Variants in COL7A1 observed in about 807,000 individuals in gnomAD.
COL7A1 encodes collagen type VII alpha 1 chain.
Under a neutral mutation model 456.2 loss-of-function variants are expected in COL7A1, and 296 were observed. That is an observed-to-expected ratio of 0.65 (90% CI 0.59 to 0.71). COL7A1 has a LOEUF of 0.71. COL7A1 is among the 30% of genes least tolerant of loss of function. The probability of loss-of-function intolerance (pLI) is 0.00; values close to 1 mark genes in which losing one functional copy is unlikely to be tolerated. For missense variants in COL7A1, 3,441 were observed against 4,017.2 expected, an observed-to-expected ratio of 0.86 and a Z score of 3.88; for synonymous variants, 1,464 against 1,525.9, an observed-to-expected ratio of 0.96 and a Z score of 0.95.
Position 48,579,943 on chromosome 3 carries a change from G to A in COL7A1, c.5124+88C>T. 7 of 1,605,486 alleles carry A rather than the reference G, an allele frequency of 4.4e-6. No homozygotes were observed. The highest frequency in any genetic ancestry group is 3.3e-5 in the South Asian group (3 of 90,924). On this transcript the variant is annotated intron_variant, in intron 57 of 118. Transcript: ENST00000681320. This position sits in a 1 kb window ranked among gnomAD's most constrained non-coding sequence, Gnocchi z 4.4. ...CAGAGGGACAGTGGGGGAAGTGGGAGTTAGTGGAAGGAATGAGGGGACATG... is the reference window on the plus strand; with the variant it reads ...CAGAGGGACAGTGGGGGAAGTGGGAATTAGTGGAAGGAATGAGGGGACATG...
rs760891216 is a variant in COL7A1, at chr3:48,568,819, C to T, written c.7723G>A (p.Gly2575Arg). Residue 2575 changes from glycine (G) to arginine (R), a missense_variant, in exon 104 of 119, where the codon GGG (glycine) becomes AGG (arginine). This residue lies in a region of COL7A1 where 2,084 missense variants were observed against 2,501.3 expected (regional missense o/e 0.83). Transcript: ENST00000681320. The surrounding 1 kb of genome is among the most constrained non-coding windows in gnomAD (Gnocchi z 5.2). Reference protein sequence around the residue: ...KGEPGDKGSAGLPGLRGLLGP... With the variant: ...KGEPGDKGSARLPGLRGLLGP... ...AGGAGTCCACGCAGTCCTGGCAACCCGGCTGAGCCCTTGTCACCAGGCTCT... is the reference window on the plus strand; with the variant it reads ...AGGAGTCCACGCAGTCCTGGCAACCTGGCTGAGCCCTTGTCACCAGGCTCT... The T allele has an allele frequency of 1.2e-5, 19 of 1,576,158 alleles. No homozygotes were observed. The highest frequency in any genetic ancestry group is 4.6e-5 in the East Asian group (2 of 43,242).
Position 48,574,115 on chromosome 3 carries a change from ACAGGCACACACAAG to A in COL7A1, c.6501+133_6501+146del, listed in dbSNP as rs1007995506. 38 of 1,157,502 alleles carry A rather than the reference ACAGGCACACACAAG, an allele frequency of 3.3e-5. No homozygotes were observed. Among genetic ancestry groups the A allele is most frequent in the Admixed American group, 1.4e-4 (8 of 55,464 alleles). The allele number at this position is 1,157,502 out of a possible 1,614,324, so 71.7% of individuals were successfully genotyped here. On this transcript the variant is annotated intron_variant, in intron 80 of 118. Coordinates refer to ENST00000681320, the MANE Select transcript of COL7A1 (RefSeq NM_000094.4). This position sits in a 1 kb window ranked among gnomAD's most constrained non-coding sequence, Gnocchi z 5.0. ...CAGGCACACACAGGCACACACAGAC[ACAGGCACACACAAG>A]CAGGCACACACAGAGAGGCACACAG...
rs777199947 is a variant in COL7A1, at chr3:48,586,709, A to G, written c.3277-20T>C. ...GCCAACCTGGGGTGGAAGGAAACACAGAGCCTGAGGAGGATGACAGAGCAG... is the reference window on the plus strand; with the variant it reads ...GCCAACCTGGGGTGGAAGGAAACACGGAGCCTGAGGAGGATGACAGAGCAG... On this transcript the variant is annotated intron_variant, in intron 25 of 118. Coordinates refer to ENST00000681320, the MANE Select transcript of COL7A1 (RefSeq NM_000094.4). This position sits in a 1 kb window ranked among gnomAD's most constrained non-coding sequence, Gnocchi z 5.1. 55 of 1,565,010 alleles carry G rather than the reference A, an allele frequency of 3.5e-5. No homozygotes were observed. The South Asian group carries it at 6.3e-4, about 18-fold the overall frequency.
rs1157595326 is a variant in COL7A1 at position 48,567,942 on chromosome 3, G to C, written c.7876-51C>G. The C allele has an allele frequency of 1.2e-6, 2 of 1,610,936 alleles. No homozygotes were observed. Among genetic ancestry groups the C allele is most frequent in the Non-Finnish European group, 8.5e-7 (1 of 1,177,390 alleles). ...GTGATTCCCAGACACCTCACTCTGT[G>C]ACCCCCTTCACCCTGAAACTAACTC... On this transcript the variant is annotated intron_variant, in intron 106 of 118. Coordinates refer to ENST00000681320, the MANE Select transcript of COL7A1 (RefSeq NM_000094.4). The surrounding 1 kb of genome is among the most constrained non-coding windows in gnomAD (Gnocchi z 4.3).
Position 48,590,863 on chromosome 3 carries a change from G to C in COL7A1, c.1637-47C>G, listed in dbSNP as rs776817787. ...GTGGGCAGGGGTCAGAAAGAGACAG[G>C]GATGTGGGACGATGGCAGTGATGGA... On this transcript the variant is annotated intron_variant, in intron 13 of 118. Transcript: ENST00000681320. The surrounding 1 kb of genome is among the most constrained non-coding windows in gnomAD (Gnocchi z 4.6). The C allele has an allele frequency of 5.0e-6, 8 of 1,603,876 alleles. No individual in the cohort carries two copies. In the East Asian group the frequency reaches 1.8e-4, roughly 36 times the overall value.
Position 48,578,553 on chromosome 3 carries a change from A to G in COL7A1, c.5425-38T>C. The G allele has an allele frequency of 1.2e-6, 2 of 1,605,516 alleles. No homozygotes were observed. Among genetic ancestry groups the G allele is most frequent in the Middle Eastern group, 2.2e-4 (1 of 4,450 alleles). On this transcript the variant is annotated intron_variant, in intron 63 of 118. Transcript: ENST00000681320. This position sits in a 1 kb window ranked among gnomAD's most constrained non-coding sequence, Gnocchi z 4.7. ...TTTGTTAAGATTTATAGGGCCTCTG[A>G]GATATCCCTTGGGGCACACCCCATG...
Position 48,566,998 on chromosome 3 carries a change from G to C in COL7A1, c.8135C>G (p.Pro2712Arg). Residue 2712 changes from proline (P) to arginine (R), a missense_variant, in exon 111 of 119, where the codon CCA (proline) becomes CGA (arginine). Pro to Arg is a moderately radical substitution (Grantham distance 103). This residue lies in a region of COL7A1 where 2,084 missense variants were observed against 2,501.3 expected (regional missense o/e 0.83). Transcript: ENST00000681320. The surrounding 1 kb of genome is among the most constrained non-coding windows in gnomAD (Gnocchi z 5.9). Reference sequence around the variant, plus strand: ...AGAGCCATCATTTCCACTGGGGCCTGGGAAGCCCCCAATTCCTGGGGTTCC... The same window carrying C: ...AGAGCCATCATTTCCACTGGGGCCTCGGAAGCCCCCAATTCCTGGGGTTCC... Reference protein sequence around the residue: ...ERGTPGIGGFPGPSGNDGSAG... With the variant: ...ERGTPGIGGFRGPSGNDGSAG... 2 of 1,612,830 alleles carry C rather than the reference G, an allele frequency of 1.2e-6. No individual in the cohort carries two copies. The highest frequency in any genetic ancestry group is 1.7e-6 in the Non-Finnish European group (2 of 1,179,076).
chr3:48,592,628 A>G lies in COL7A1; in HGVS notation c.918T>C (p.Thr306=). 1 of 1,613,966 alleles carries G rather than the reference A, an allele frequency of 6.2e-7. No individual in the cohort carries two copies. The highest frequency in any genetic ancestry group is 1.1e-5 in the South Asian group (1 of 91,084). Residue 306 remains threonine (T), a synonymous_variant, in exon 8 of 119, where the codon ACT becomes ACC. Transcript: ENST00000681320. The surrounding 1 kb of genome is among the most constrained non-coding windows in gnomAD (Gnocchi z 7.6). ...GLRPLTEYQV[T]VIALYANSIG... ...TGCTGTTGGCGTAGAGGGCAATCAC[A>G]GTCACTTGGTACTCGGTCAGTGGCC...
At position 48,583,973 on chromosome 3, in the gene COL7A1, C is replaced by T. The variant is rs748368214; in HGVS notation, c.4225-20G>A. On this transcript the variant is annotated intron_variant, in intron 38 of 118. Transcript: ENST00000681320. This position sits in a 1 kb window ranked among gnomAD's most constrained non-coding sequence, Gnocchi z 5.1. ...GGGACCCTGGGAGAGAACAGCAGGT[C>T]AGGGAATGAACAGGGGAATCAGACT... The T allele has an allele frequency of 2.2e-5, 36 of 1,613,770 alleles. No homozygotes were observed. Among genetic ancestry groups the T allele is most frequent in the Non-Finnish European group, 3.1e-5 (36 of 1,179,974 alleles).
rs1420689687 is a variant in COL7A1, at chr3:48,568,107, C to T, written c.7858G>A (p.Gly2620Ser). ...RGEKGDVGFM[G>S]PRGLKGERGV... is the part of the protein sequence containing the mutation. ...TTTCCTACCTTGAGGCCCCGGGGAC[C>T]CATGAAGCCAACATCTCCTTTTTCT... The change falls in exon 106 of 119, where the codon GGT (glycine) becomes AGT (serine). Residue 2620 changes from glycine (G) to serine (S), a missense_variant. By Grantham distance (56) the Gly-to-Ser change is moderately conservative (BLOSUM62 0). Transcript: ENST00000681320. This position sits in a 1 kb window ranked among gnomAD's most constrained non-coding sequence, Gnocchi z 5.2. The T allele has an allele frequency of 6.2e-7, 1 of 1,614,200 alleles. No individual in the cohort carries two copies.
At chr3:48,576,475 C>G (rs371266796) in intron 69 of COL7A1, 40 bp from the exon 70 acceptor site, 2 of 1,612,656 alleles carry the variant, frequency 1.2e-6, no homozygotes, top group African/African-American at 2.7e-5. Flanking sequence ...TGGCCCCCAG[C>G]CTGGTCAGCC....
rs775700769 is a variant in COL7A1, at chr3:48,573,487, C to T, written c.6618+26G>A. 1.2e-6 allele frequency: 2 copies of T among 1,613,896 alleles called. No individual in the cohort carries two copies. Among genetic ancestry groups the T allele is most frequent in the African/African-American group, 1.3e-5 (1 of 74,906 alleles). On this transcript the variant is annotated intron_variant, in intron 83 of 118. Transcript: ENST00000681320. The surrounding 1 kb of genome is among the most constrained non-coding windows in gnomAD (Gnocchi z 5.5). ...TGGACACAGCTTGAAGGAGCCTCCT[C>T]CTCCTATCCACACACCTAGACTCAC...
At position 48,567,967 on chromosome 3, in the gene COL7A1, C is replaced by T; in HGVS notation, c.7876-76G>A. 2 of 1,605,634 alleles carry T rather than the reference C, an allele frequency of 1.2e-6. No individual in the cohort carries two copies. Among genetic ancestry groups the T allele is most frequent in the Non-Finnish European group, 1.7e-6 (2 of 1,172,758 alleles). The stretch of plus-strand genomic sequence containing the variant: ...GACCCCCTTCACCCTGAAACTAACT[C>T]TCCAAACAGGCCTCAGCTACTCCAA... On this transcript the variant is annotated intron_variant, in intron 106 of 118. Coordinates refer to ENST00000681320, the MANE Select transcript of COL7A1 (RefSeq NM_000094.4). This position sits in a 1 kb window ranked among gnomAD's most constrained non-coding sequence, Gnocchi z 4.3.
intron 44 of COL7A1, among the ~76,000 whole-genome samples, 149 bp downstream of exon 44, chr3:48,582,850 AGCCAGGTCCCTGGG>A (rs1039080399): frequency 6.6e-6 from 1 of 152,106 alleles, no homozygotes; most frequent in African/African-American, 2.4e-5. Context: ...AGAGGTTCAA[AGCCAGGTCCCTGGG>A]GCTGAGGGTT....
chr3:48,589,528 A>C (rs2045542004), intron 17 of COL7A1, 58 bp from the exon 18 acceptor site: 1 of 1,612,336 alleles, frequency 6.2e-7, no homozygotes, highest in Admixed American at 1.7e-5. Flanking sequence ...CCAGAGCCCC[A>C]CCTGGACCCC....
At position 48,579,805 on chromosome 3, in the gene COL7A1, C is replaced by G; in HGVS notation, c.5134G>C (p.Gly1712Arg). 1 of 1,614,092 alleles carries G rather than the reference C, an allele frequency of 6.2e-7. No homozygotes were observed. ...PGPPGRLVDT[G>R]PGAREKGEPG... Reference sequence around the variant, plus strand: ...AATACCTTCTCTCTGGCTCCAGGTCCTGTGTCTACCTGTGGGGGGAATGAC... The same window carrying G: ...AATACCTTCTCTCTGGCTCCAGGTCGTGTGTCTACCTGTGGGGGGAATGAC... The change falls in exon 58 of 119, where the codon GGA becomes CGA. Residue 1712 changes from glycine to arginine, a missense_variant. Around this residue, in one of 3 missense-constraint regions of COL7A1, gnomAD observed 2,084 missense variants for 2,501.3 expected, o/e 0.83. Transcript: ENST00000681320. The surrounding 1 kb of genome is among the most constrained non-coding windows in gnomAD (Gnocchi z 4.4).
In COL7A1 at chr3:48,589,702, C is replaced by T; in HGVS notation, c.2067G>A (p.Val689=). 1.2e-6 allele frequency: 2 copies of T among 1,614,114 alleles called. No homozygotes were observed. The highest frequency in any genetic ancestry group is 1.1e-5 in the South Asian group (1 of 91,084). Residue 689 remains valine, a synonymous_variant, in exon 17 of 119, where the codon GTG becomes GTA. Coordinates refer to ENST00000681320, the MANE Select transcript of COL7A1 (RefSeq NM_000094.4). ...IVARTDPLGP[V]RTVHVTQASS... is the part of the protein sequence containing the mutation. Reference sequence around the variant, plus strand: ...TGGCCTGAGTCACATGGACCGTCCTCACTGGGCCCAGTGGGTCTAGTGGGG... The same window carrying T: ...TGGCCTGAGTCACATGGACCGTCCTTACTGGGCCCAGTGGGTCTAGTGGGG...
rs1055570983 is a variant in COL7A1 at position 48,572,769 on chromosome 3, G to A, written c.6832-30C>T. ...GGCAGAGCAGCGTGAGGAACTCAGTGCCTCTCCACCACCACCCCTGCTGCC... is the reference window on the plus strand; with the variant it reads ...GGCAGAGCAGCGTGAGGAACTCAGTACCTCTCCACCACCACCCCTGCTGCC... On this transcript the variant is annotated intron_variant, in intron 87 of 118. Transcript: ENST00000681320. This position sits in a 1 kb window ranked among gnomAD's most constrained non-coding sequence, Gnocchi z 4.6. 1.2e-6 allele frequency: 2 copies of A among 1,610,718 alleles called. No individual in the cohort carries two copies. Among genetic ancestry groups the A allele is most frequent in the Non-Finnish European group, 1.7e-6 (2 of 1,178,350 alleles).
In COL7A1 at chr3:48,572,159, C is replaced by T; in HGVS notation, c.6991G>A (p.Asp2331Asn). The T allele has an allele frequency of 6.2e-7, 1 of 1,614,048 alleles. No homozygotes were observed. The highest frequency in any genetic ancestry group is 8.5e-7 in the Non-Finnish European group (1 of 1,180,014). The change falls in exon 91 of 119, where the codon GAC becomes AAC. Residue 2331 changes from aspartate to asparagine, a missense_variant. Coordinates refer to ENST00000681320, the MANE Select transcript of COL7A1 (RefSeq NM_000094.4). This position sits in a 1 kb window ranked among gnomAD's most constrained non-coding sequence, Gnocchi z 4.6. Reference sequence around the variant, plus strand: ...CCTCGCGGCCCTGGCAGTCCTCGGTCACCTTTGGCTCCCTGTTGACAGAGG... The same window carrying T: ...CCTCGCGGCCCTGGCAGTCCTCGGTTACCTTTGGCTCCCTGTTGACAGAGG... The part of the protein sequence containing the change: ...DLVGEPGAKG[D>N]RGLPGPRGEK...
Sources: gnomAD v4.1 joint callset for allele counts (sites outside exome capture counted in the v4.1 genomes callset) on GRCh38, gnomAD v4.1.1 for gene constraint, gnomAD v4.1.1 regional missense constraint, Gnocchi (gnomAD v3.1) non-coding constraint, MANE v1.5 for transcripts, NCBI Gene and HGNC (gene_info 2026-07-23, HGNC 2026-07-21) for gene names.